Variants in MYLK observed in about 807,000 individuals in gnomAD.
MYLK encodes myosin light chain kinase, smooth muscle.
A neutral mutation model predicts 203.4 loss-of-function variants in MYLK; 106 were observed. That is an observed-to-expected ratio of 0.52 (90% confidence interval 0.45 to 0.61). The LOEUF (loss-of-function observed/expected upper bound fraction) is 0.61. Ranked by LOEUF, MYLK falls within the 20% of genes least tolerant of loss-of-function variation. The probability of loss-of-function intolerance (pLI) is 0.00; values close to 1 mark genes in which losing one functional copy is unlikely to be tolerated. For synonymous variants in MYLK, 867 were observed against 959.5 expected (o/e 0.90, Z 1.78); for missense variants, 2,072 against 2,442.3 (o/e 0.85, Z 3.20).
At chr3:123,802,200 C>G (rs2065221065) in intron 3 of MYLK, among the ~76,000 whole-genome samples, 1 of 152,248 alleles carries the variant, frequency 6.6e-6, no homozygotes, top group African/African-American at 2.4e-5. Flanking sequence ...GTCTTCCCAG[C>G]TGTGAAATGG....
At chr3:123,663,955 C>T (rs550006315) in intron 23 of MYLK, 150 bp downstream of exon 23, 21 of 1,202,416 alleles carry the variant, frequency 1.7e-5, no homozygotes, top group East Asian at 2.3e-5. Context: ...TGTGGGTTGC[C>T]GTGATCTTCT....
intron 23 of MYLK, among the ~76,000 whole-genome samples, chr3:123,659,491 G>T (rs938521861): frequency 1.3e-5 from 2 of 152,160 alleles, no homozygotes; most frequent in African/African-American, 4.8e-5. Flanking sequence ...TTAATTCCAA[G>T]TAAAACTCCA....
At chr3:123,646,733 CA>C (rs940499572) in intron 27 of MYLK, among the ~76,000 whole-genome samples, 107 of 152,294 alleles carry the variant, frequency 7.0e-4, no homozygotes, top group African/African-American at 2.5e-3. Flanking sequence ...AAGAGTAGAC[CA>C]GGGGCATGTG....
At chr3:123,661,140 A>C (rs932695731) in intron 23 of MYLK, among the ~76,000 whole-genome samples, 2 of 152,208 alleles carry the variant, frequency 1.3e-5, no homozygotes, top group Non-Finnish European at 2.9e-5. Flanking sequence ...AGAGAATAAG[A>C]AACTAAACCA....
chr3:123,875,186 T>C (rs534659620), intron 2 of MYLK, among the ~76,000 whole-genome samples: 2 of 152,306 alleles, frequency 1.3e-5, no homozygotes, highest in South Asian at 4.1e-4. Context: ...AGTGAGTTGT[T>C]CATTATCACC....
intron 3 of MYLK, among the ~76,000 whole-genome samples, chr3:123,796,645 T>G (rs576090288): frequency 6.6e-6 from 1 of 152,164 alleles, no homozygotes; most frequent in African/African-American, 2.4e-5. Context: ...GCACAGAGGA[T>G]GTACCACTGA....
intron 27 of MYLK, among the ~76,000 whole-genome samples, chr3:123,646,038 C>T (rs367909164): frequency 2.6e-5 from 4 of 152,204 alleles, no homozygotes; most frequent in East Asian, 1.9e-4. Context: ...GTGGGAGGAT[C>T]GCTTGAACCT....
chr3:123,719,608 C>T (rs991682389), intron 13 of MYLK, among the ~76,000 whole-genome samples: 12 of 152,218 alleles, frequency 7.9e-5, no homozygotes, highest in Middle Eastern at 3.2e-3. Flanking sequence ...ATCTCCATTT[C>T]ACACAAGAGG....
At position 123,738,953 on chromosome 3, in the gene MYLK, C is replaced by T. The variant is rs766646825; in HGVS notation, c.532G>A (p.Gly178Arg). ...GRVVVKEGQM[G>R]RFSCKITGRP... ...CCAGTGATCTTGCAGGAGAATCGTC[C>T]CATCTGTCCTTCTTTGACCACAACT... Residue 178 changes from glycine (G) to arginine (R), a missense_variant, in exon 7 of 34, where the codon GGA becomes AGA. This residue lies in a region of MYLK where 683 missense variants were observed against 643.8 expected (regional missense o/e 1.06). Coordinates refer to ENST00000360304, the MANE Select transcript of MYLK (RefSeq NM_053025.4). 6.2e-7 allele frequency: 1 copy of T among 1,613,318 alleles called. No individual in the cohort carries two copies.
intron 1 of MYLK, among the ~76,000 whole-genome samples, chr3:123,878,080 T>C (rs1275604697): frequency 6.6e-6 from 1 of 152,168 alleles, no homozygotes; most frequent in African/African-American, 2.4e-5. Flanking sequence ...TCCACCCAGA[T>C]GTACTGAGCA....
intron 2 of MYLK, among the ~76,000 whole-genome samples, chr3:123,852,330 T>C (rs1202813075): frequency 5.9e-5 from 9 of 152,200 alleles, no homozygotes; most frequent in African/African-American, 4.8e-5. Flanking sequence ...GTACCTCTGG[T>C]AGAATTCGGC....
intron 5 of MYLK, among the ~76,000 whole-genome samples, chr3:123,743,512 T>C (rs1006190202): frequency 6.6e-6 from 1 of 152,168 alleles, no homozygotes; most frequent in South Asian, 2.1e-4. Context: ...TGTAAAAGTA[T>C]GAAAATCTGG....
chr3:123,793,717 A>G lies in MYLK; in HGVS notation c.125T>C (p.Leu42Pro). 6.2e-7 allele frequency: 1 copy of G among 1,614,112 alleles called. No individual in the cohort carries two copies. Among genetic ancestry groups the G allele is most frequent in the Non-Finnish European group, 8.5e-7 (1 of 1,180,020 alleles). ...APAFILPPRN[L>P]CIKEGATAKF... ...GGCGGTGGCTCCTTCTTTGATGCAG[A>G]GGTTCCGAGGGGGCAAAATGAAAGC... The change falls in exon 4 of 34, where the codon CTC becomes CCC. Residue 42 changes from leucine to proline, a missense_variant. Transcript: ENST00000360304.
intron 20 of MYLK, among the ~76,000 whole-genome samples, chr3:123,673,172 T>C (rs1425701595): frequency 1.3e-5 from 2 of 151,190 alleles, no homozygotes; most frequent in Non-Finnish European, 3.0e-5. Context: ...TTTTTTTTTT[T>C]TTTTTTTTTG....
In MYLK at chr3:123,647,404, C is replaced by A; in HGVS notation, c.4439G>T (p.Arg1480Leu). The change falls in exon 27 of 34, where the codon CGA (arginine) becomes CTA (leucine). Residue 1480 changes from arginine to leucine, a missense_variant. Arg to Leu is a moderately radical substitution (Grantham distance 102, BLOSUM62 -2). Around this residue, in one of 3 missense-constraint regions of MYLK, gnomAD observed 524 missense variants for 782.4 expected, o/e 0.67. Transcript: ENST00000360304. ...TTTTCGAGTTTTCTTTTCTACAAGTCGAAAGACCTGTCCAAATTTCCCACT... is the reference window on the plus strand; with the variant it reads ...TTTTCGAGTTTTCTTTTCTACAAGTAGAAAGACCTGTCCAAATTTCCCACT... ...LGSGKFGQVF[R>L]LVEKKTRKVW... The A allele has an allele frequency of 2.5e-6, 4 of 1,614,160 alleles. No individual in the cohort carries two copies. Among genetic ancestry groups the A allele is most frequent in the South Asian group, 1.1e-5 (1 of 91,066 alleles).
rs535549598 is a variant in MYLK at position 123,735,299 on chromosome 3, G to A, written c.773+99C>T. 177 of 1,493,526 alleles carry A rather than the reference G, an allele frequency of 1.2e-4. No individual in the cohort carries two copies. The South Asian group carries it at 1.9e-3, about 16-fold the overall frequency. The allele number at this position is 1,493,526 out of a possible 1,614,324, so 92.5% of individuals were successfully genotyped here. ...CATCCTCCAAATGGCCAATTCTTCT[G>A]CCCCATAAGATGATTCAGAAATTCA... On this transcript the variant is annotated intron_variant, in intron 9 of 33. Transcript: ENST00000360304.
At chr3:123,845,308 C>T (rs2066687417) in intron 2 of MYLK, among the ~76,000 whole-genome samples, 1 of 152,062 alleles carries the variant, frequency 6.6e-6, no homozygotes, top group Non-Finnish European at 1.5e-5. Flanking sequence ...GAGACTGGTA[C>T]CCTCTAGGAG....
At chr3:123,733,403 G>A (rs1208909220) in intron 10 of MYLK, among the ~76,000 whole-genome samples, 1 of 152,152 alleles carries the variant, frequency 6.6e-6, no homozygotes, top group African/African-American at 2.4e-5. Flanking sequence ...CGATGTTGGC[G>A]ATAATGAGGG....
chr3:123,881,101 A>G (rs1312675597), intron 1 of MYLK, among the ~76,000 whole-genome samples: 1 of 152,148 alleles, frequency 6.6e-6, no homozygotes, highest in Non-Finnish European at 1.5e-5. Context: ...TTGTATGGGC[A>G]CTGCTTCCCC....
Sources: gnomAD v4.1 joint callset for allele counts (sites outside exome capture counted in the v4.1 genomes callset) on GRCh38, gnomAD v4.1.1 for gene constraint, gnomAD v4.1.1 regional missense constraint, MANE v1.5 for transcripts, NCBI Gene and HGNC (gene_info 2026-07-23, HGNC 2026-07-21) for gene names.